Variants in CFAP210 observed in about 807,000 individuals in gnomAD.
CFAP210 encodes the protein cilia and flagella associated protein 210.
chr2:169,652,700 T>C, the CFAP210 span, among the ~76,000 whole-genome samples: 4 of 151,796 alleles, frequency 2.6e-5, no homozygotes, highest in African/African-American at 9.7e-5. Flanking sequence ...ACAAAATAAA[T>C]AGTTTTAAAA....
At chr2:169,659,778 C>T in the CFAP210 span, among the ~76,000 whole-genome samples, 117 of 152,306 alleles carry the variant, frequency 7.7e-4, 1 homozygote, top group Admixed American at 2.5e-3. Flanking sequence ...CCAGCATTAA[C>T]TCAAAAGTTT....
the CFAP210 span, among the ~76,000 whole-genome samples, chr2:169,655,541 A>G: frequency 6.6e-6 from 1 of 152,342 alleles, no homozygotes; most frequent in East Asian, 1.9e-4. Flanking sequence ...AATTCCTTAC[A>G]TGTTTTATTT....
chr2:169,693,721 T>C, the CFAP210 span, among the ~76,000 whole-genome samples: 4 of 152,252 alleles, frequency 2.6e-5, no homozygotes, highest in Admixed American at 2.6e-4. Context: ...CGATTTTTTT[T>C]TAACTCTCTA....
At chr2:169,649,922 C>G in the CFAP210 span, among the ~76,000 whole-genome samples, 2 of 144,072 alleles carry the variant, frequency 1.4e-5, no homozygotes, top group Non-Finnish European at 3.1e-5. Context: ...AACTCTGTCT[C>G]AAAAAAAAAA....
chr2:169,645,711 T>C, the CFAP210 span: 1 of 668,174 alleles, frequency 1.5e-6, no homozygotes, highest in South Asian at 2.2e-5. Context: ...AAAGAAATAC[T>C]GAGAACAATC....
At chr2:169,677,358 T>G in the CFAP210 span, among the ~76,000 whole-genome samples, 1 of 152,196 alleles carries the variant, frequency 6.6e-6, no homozygotes, top group Non-Finnish European at 1.5e-5. Context: ...GATAATACAT[T>G]AAGACCAATG....
chr2:169,684,059 T>TA, the CFAP210 span, among the ~76,000 whole-genome samples: 1 of 152,120 alleles, frequency 6.6e-6, no homozygotes, highest in African/African-American at 2.4e-5. Context: ...CAATCTTACT[T>TA]CCAAGATTCC....
the CFAP210 span, among the ~76,000 whole-genome samples, chr2:169,688,210 T>C: frequency 6.6e-6 from 1 of 152,208 alleles, no homozygotes; most frequent in African/African-American, 2.4e-5. Flanking sequence ...CCTGGAGACA[T>C]TTTCCCCATG....
the CFAP210 span, among the ~76,000 whole-genome samples, chr2:169,665,059 AC>A: frequency 2.6e-5 from 4 of 152,192 alleles, no homozygotes; most frequent in Non-Finnish European, 5.9e-5. Flanking sequence ...ATTGCTTTGG[AC>A]AAAGCAGAGG....
At chr2:169,687,463 T>A in the CFAP210 span, among the ~76,000 whole-genome samples, 2 of 152,172 alleles carry the variant, frequency 1.3e-5, no homozygotes, top group Non-Finnish European at 2.9e-5. Flanking sequence ...ATGGGAGACA[T>A]TGGCCAAAAC....
the CFAP210 span, among the ~76,000 whole-genome samples, chr2:169,693,457 C>A: frequency 1.3e-5 from 2 of 152,204 alleles, no homozygotes; most frequent in Non-Finnish European, 2.9e-5. Context: ...GCATAAATAT[C>A]CACTAGTGAA....
the CFAP210 span, among the ~76,000 whole-genome samples, chr2:169,679,025 G>A: frequency 1.4e-4 from 21 of 152,090 alleles, 1 homozygote; most frequent in Admixed American, 5.9e-4. Flanking sequence ...CAGAAATGTC[G>A]CCTGAATATA....
At chr2:169,646,461 C>T in the CFAP210 span, among the ~76,000 whole-genome samples, 2 of 152,122 alleles carry the variant, frequency 1.3e-5, no homozygotes, top group Non-Finnish European at 2.9e-5. Context: ...ACTCAGGTAA[C>T]TGAGTTTAGA....
At chr2:169,672,469 C>T in the CFAP210 span, among the ~76,000 whole-genome samples, 2 of 152,318 alleles carry the variant, frequency 1.3e-5, no homozygotes, top group Admixed American at 6.5e-5. Context: ...AGTGTTCAGT[C>T]GGAGTCCAAA....
chr2:169,693,299 G>A, the CFAP210 span, among the ~76,000 whole-genome samples: 1 of 152,320 alleles, frequency 6.6e-6, no homozygotes, highest in South Asian at 2.1e-4. Flanking sequence ...CAACTATTAG[G>A]TAAATCTAAA....
chr2:169,651,788 T>G, the CFAP210 span, among the ~76,000 whole-genome samples: 2 of 152,036 alleles, frequency 1.3e-5, no homozygotes, highest in African/African-American at 2.4e-5. Flanking sequence ...TAAATATCCA[T>G]CCCCTCACAA....
At chr2:169,691,283 T>G in the CFAP210 span, among the ~76,000 whole-genome samples, 1 of 152,216 alleles carries the variant, frequency 6.6e-6, no homozygotes, top group Non-Finnish European at 1.5e-5. Context: ...TTTTAAATAT[T>G]CATTGATATC....
the CFAP210 span, among the ~76,000 whole-genome samples, chr2:169,648,697 T>C: frequency 1.3e-5 from 2 of 152,198 alleles, no homozygotes; most frequent in African/African-American, 2.4e-5. Context: ...TTGATGAGTA[T>C]GTGGAGTAAG....
At chr2:169,649,321 C>T in the CFAP210 span, 9 of 1,611,174 alleles carry the variant, frequency 5.6e-6, no homozygotes, top group Non-Finnish European at 7.6e-6. Flanking sequence ...TTTTCTTTGT[C>T]TTTCTTCTTC....
Sources: allele counts gnomAD v4.1 joint callset (sites outside exome capture counted in the v4.1 genomes callset), GRCh38; gene constraint gnomAD v4.1.1; transcripts MANE v1.5; gene names NCBI Gene and HGNC (gene_info 2026-07-23, HGNC 2026-07-21).